AGAP1: variants seen among roughly 807,000 people sequenced by gnomAD.
AGAP1 encodes ArfGAP with GTPase domain, ankyrin repeat and PH domain 1, also known as arf-GAP with GTPase, ANK repeat and PH domain-containing protein 1.
Under a neutral mutation model 105.3 loss-of-function variants are expected in AGAP1, and 29 were observed. That is an observed-to-expected ratio of 0.28 (90% CI 0.21 to 0.38). The LOEUF (loss-of-function observed/expected upper bound fraction) is 0.38, where lower values mean the gene tolerates loss of function less well. Among genes scored for constraint, AGAP1 ranks in the 10% least tolerant of loss-of-function variants. The pLI, the probability that AGAP1 is intolerant of heterozygous loss-of-function variation, is 1.00. For missense variants in AGAP1, 998 were observed against 1,165.1 expected (o/e 0.86, Z 2.09); for synonymous variants, 509 against 485.9 (o/e 1.05, Z -0.63).
At chr2:236,074,416 A>C (rs2058584200) in intron 16 of AGAP1, among the ~76,000 whole-genome samples, 1 of 152,260 alleles carries the variant, frequency 6.6e-6, no homozygotes, top group Admixed American at 6.5e-5. Context: ...CACACTCTGC[A>C]CTCTGGGAAG....
rs1056235891 is a variant in AGAP1 at position 235,971,049 on chromosome 2, A to G, written c.1645+2426A>G. Among the ~76,000 whole-genome samples, 1 of 152,232 alleles carries G rather than the reference A, an allele frequency of 6.6e-6. No homozygotes were observed. The highest frequency in any genetic ancestry group is 1.5e-5 in the Non-Finnish European group (1 of 68,034). ...TCAAACATGGATGTGTAAGCGGGTG[A>G]CGTGTGTTTGGAAGTCCAAGGCAGA... On this transcript the variant is annotated intron_variant, in intron 13 of 17. Transcript: ENST00000304032. This position sits in a 1 kb window ranked among gnomAD's most constrained non-coding sequence, Gnocchi z 4.8.
chr2:235,710,835 A>G (rs1055917873), intron 2 of AGAP1, among the ~76,000 whole-genome samples: 1 of 152,146 alleles, frequency 6.6e-6, no homozygotes, highest in Non-Finnish European at 1.5e-5. Flanking sequence ...GGCACGGAAC[A>G]GTAGTCACGG....
rs904857576 is a variant in AGAP1, at chr2:235,751,475, G to T, written c.673+987G>T. 6.6e-6 allele frequency among the ~76,000 whole-genome samples: 1 copy of T among 152,164 alleles called. No individual in the cohort carries two copies. Among genetic ancestry groups the T allele is most frequent in the Admixed American group, 6.5e-5 (1 of 15,274 alleles). The stretch of plus-strand genomic sequence containing the variant: ...GAGAGTGCTGGAGCCGCTTCAAGGT[G>T]ATGGAGGACTCGCCGCGCTCTGACC... On this transcript the variant is annotated intron_variant, in intron 6 of 17. Coordinates refer to ENST00000304032, the MANE Select transcript of AGAP1 (RefSeq NM_001037131.3). This position sits in a 1 kb window ranked among gnomAD's most constrained non-coding sequence, Gnocchi z 5.3.
chr2:236,057,583 C>T (rs1022455259), intron 16 of AGAP1, among the ~76,000 whole-genome samples: 26 of 152,116 alleles, frequency 1.7e-4, no homozygotes, highest in Middle Eastern at 3.4e-3. Context: ...TTCACGTAAC[C>T]ACATCCTGCT....
At chr2:235,671,680 G>C (rs561814480) in intron 1 of AGAP1, among the ~76,000 whole-genome samples, 1 of 152,334 alleles carries the variant, frequency 6.6e-6, no homozygotes, top group East Asian at 1.9e-4. Context: ...TTAATGAGGA[G>C]AGCGAGTCTG....
At chr2:236,081,963 A>G (rs1399182546) in intron 16 of AGAP1, among the ~76,000 whole-genome samples, 3 of 152,206 alleles carry the variant, frequency 2.0e-5, no homozygotes, top group Non-Finnish European at 1.5e-5. Flanking sequence ...GGTTCCATGC[A>G]TGGGAAGTCA....
intron 9 of AGAP1, among the ~76,000 whole-genome samples, chr2:235,823,451 C>T (rs1276886524): frequency 2.6e-5 from 4 of 152,102 alleles, no homozygotes; most frequent in Admixed American, 6.5e-5. Context: ...GTGCTTTTCC[C>T]TGTGCTCGCA....
chr2:235,813,609 C>T (rs1213451003), intron 9 of AGAP1, among the ~76,000 whole-genome samples: 1 of 152,246 alleles, frequency 6.6e-6, no homozygotes, highest in South Asian at 2.1e-4. Context: ...GCATGGGCTC[C>T]GATCCCACAG....
rs113138226 is a variant in AGAP1 at position 236,080,357 on chromosome 2, C to G, written c.2114+31076C>G. Reference sequence around the variant, plus strand: ...GTCTAGATTCTGTGAGTCCAGAAACCTCCATCTCAGTCTAGGAGGGACAGC... The same window carrying G: ...GTCTAGATTCTGTGAGTCCAGAAACGTCCATCTCAGTCTAGGAGGGACAGC... On this transcript the variant is annotated intron_variant, in intron 16 of 17. Transcript: ENST00000304032. This position sits in a 1 kb window ranked among gnomAD's most constrained non-coding sequence, Gnocchi z 4.2. Among the ~76,000 whole-genome samples, 6 of 152,350 alleles carry G rather than the reference C, an allele frequency of 3.9e-5. No homozygotes were observed. Among genetic ancestry groups the G allele is most frequent in the African/African-American group, 1.4e-4 (6 of 41,584 alleles).
Position 236,080,002 on chromosome 2 carries a change from T to C in AGAP1, c.2114+30721T>C, listed in dbSNP as rs2058740224. Among the ~76,000 whole-genome samples the C allele has an allele frequency of 6.6e-6, 1 of 152,014 alleles. No homozygotes were observed. The highest frequency in any genetic ancestry group is 1.5e-5 in the Non-Finnish European group (1 of 68,008). On this transcript the variant is annotated intron_variant, in intron 16 of 17. Transcript: ENST00000304032. This position sits in a 1 kb window ranked among gnomAD's most constrained non-coding sequence, Gnocchi z 4.2. Reference sequence around the variant, plus strand: ...TTCACAGCAATAGCAGTAGCCAGAGTATTAGCATTTGGGTCATTTCCCAGG... The same window carrying C: ...TTCACAGCAATAGCAGTAGCCAGAGCATTAGCATTTGGGTCATTTCCCAGG...
intron 15 of AGAP1, among the ~76,000 whole-genome samples, chr2:236,047,540 A>T (rs558416600): frequency 7.1e-6 from 1 of 140,694 alleles, no homozygotes; most frequent in Admixed American, 7.2e-5. Flanking sequence ...TTTGATGCAT[A>T]GGTTTCCCCT....
rs1292139397 is a variant in AGAP1 at position 235,631,211 on chromosome 2, G to A, written c.164-77968G>A. On this transcript the variant is annotated intron_variant, in intron 1 of 17. Coordinates refer to ENST00000304032, the MANE Select transcript of AGAP1 (RefSeq NM_001037131.3). This position sits in a 1 kb window ranked among gnomAD's most constrained non-coding sequence, Gnocchi z 5.4. ...ACGTTGAAGAGCCTCCTTCCAGTGG[G>A]TAAATGGCAAACTCGATAACTGGAA... is the stretch of plus-strand genomic sequence containing the variant. 6.6e-6 allele frequency among the ~76,000 whole-genome samples: 1 copy of A among 152,190 alleles called. No homozygotes were observed. The highest frequency in any genetic ancestry group is 2.4e-5 in the African/African-American group (1 of 41,442).
At chr2:235,501,350 T>C (rs927727645) in intron 1 of AGAP1, among the ~76,000 whole-genome samples, 4 of 152,348 alleles carry the variant, frequency 2.6e-5, no homozygotes, top group African/African-American at 4.8e-5. Flanking sequence ...TGTAGTCTTA[T>C]GTATATTTAG....
intron 1 of AGAP1, among the ~76,000 whole-genome samples, chr2:235,563,884 G>A (rs1207176948): frequency 6.6e-6 from 1 of 152,078 alleles, no homozygotes; most frequent in African/African-American, 2.4e-5. Context: ...TGGGGACATT[G>A]TGGCTCCAGC....
rs111418852 is a variant in AGAP1 at position 236,006,722 on chromosome 2, G to A, written c.1646-29839G>A. ...CAACAAAGGTCTCTGTTGGAGTTAC[G>A]CTTACAATGTGATAGTTGTGTGTGT... is the stretch of plus-strand genomic sequence containing the variant. On this transcript the variant is annotated intron_variant, in intron 13 of 17. Transcript: ENST00000304032. 3.0e-4 allele frequency among the ~76,000 whole-genome samples: 45 copies of A among 152,212 alleles called. 1 individual carries two copies. The highest frequency in any genetic ancestry group is 2.7e-3 in the South Asian group (13 of 4,820).
chr2:235,610,391 G>T lies in AGAP1; in HGVS notation c.164-98788G>T, dbSNP rs1329894699. On this transcript the variant is annotated intron_variant, in intron 1 of 17. Coordinates refer to ENST00000304032, the MANE Select transcript of AGAP1 (RefSeq NM_001037131.3). This position sits in a 1 kb window ranked among gnomAD's most constrained non-coding sequence, Gnocchi z 4.9. ...AAATGCATTTTCTCACAGTTCTAGA[G>T]GCTGGAAGTCCAAGATCAGGGTGCT... is the stretch of plus-strand genomic sequence containing the variant. Among the ~76,000 whole-genome samples the T allele has an allele frequency of 6.6e-6, 1 of 152,166 alleles. No homozygotes were observed. The highest frequency in any genetic ancestry group is 2.4e-5 in the African/African-American group (1 of 41,438).
At chr2:235,811,736 G>T (rs988154041) in intron 9 of AGAP1, among the ~76,000 whole-genome samples, 3 of 152,328 alleles carry the variant, frequency 2.0e-5, no homozygotes, top group African/African-American at 7.2e-5. Context: ...GGCCGCCCCC[G>T]GCCCGGCCCA....
intron 16 of AGAP1, among the ~76,000 whole-genome samples, chr2:236,070,880 G>C (rs974344828): frequency 6.6e-6 from 1 of 152,212 alleles, no homozygotes; most frequent in African/African-American, 2.4e-5. Flanking sequence ...GTGGTTCCAT[G>C]ACTCTGAAAA....
Position 235,783,625 on chromosome 2 carries a change from G to A in AGAP1, c.674-14134G>A, listed in dbSNP as rs181704468. Among the ~76,000 whole-genome samples the A allele has an allele frequency of 3.4e-3, 513 of 152,256 alleles. 10 individuals are homozygous for A. Among genetic ancestry groups the A allele is most frequent in the Middle Eastern group, 0.014 (4 of 294 alleles). On this transcript the variant is annotated intron_variant, in intron 6 of 17. Coordinates refer to ENST00000304032, the MANE Select transcript of AGAP1 (RefSeq NM_001037131.3). ...CATTATGCTCTGTGGAAAGAGGCAC[G>A]CACAGAAAAGAATGATTCCATTTAT... is the stretch of plus-strand genomic sequence containing the variant.
Sources: gnomAD v4.1 joint callset for allele counts (sites outside exome capture counted in the v4.1 genomes callset) on GRCh38, gnomAD v4.1.1 for gene constraint, Gnocchi (gnomAD v3.1) non-coding constraint, MANE v1.5 for transcripts, NCBI Gene and HGNC (gene_info 2026-07-23, HGNC 2026-07-21) for gene names.